BTBD7: variants seen among roughly 807,000 people sequenced by gnomAD.
The protein encoded by BTBD7 is BTB/POZ domain-containing protein 7.
Under a neutral mutation model 99.9 loss-of-function variants are expected in BTBD7, and 38 were observed. The ratio of observed to expected loss-of-function variants is 0.38; its 90% CI spans 0.29 to 0.50. The LOEUF (loss-of-function observed/expected upper bound fraction) is 0.50, where lower values mean the gene tolerates loss of function less well. Ranked by LOEUF, BTBD7 falls within the 20% of genes least tolerant of loss-of-function variation. The pLI, the probability that BTBD7 is intolerant of heterozygous loss-of-function variation, is 0.93. For synonymous variants in BTBD7, 520 were observed against 511.4 expected, an observed-to-expected ratio of 1.02 and a Z score of -0.23; for missense variants, 1,170 against 1,394.6, an observed-to-expected ratio of 0.84 and a Z score of 2.57.
intron 1 of BTBD7, among the ~76,000 whole-genome samples, chr14:93,319,368 A>C (rs2053244072): frequency 6.6e-6 from 1 of 152,258 alleles, no homozygotes; most frequent in Admixed American, 6.5e-5. Flanking sequence ...TGTGGAAACA[A>C]CCTAAATATC....
chr14:93,242,642 T>G lies in BTBD7; in HGVS notation c.3030A>C (p.Pro1010=). Residue 1010 remains proline (P), a synonymous_variant, in exon 11 of 11, where the codon CCA becomes CCC. Transcript: ENST00000334746. ...TGTGTAGATGCCCGTCAGGGGAAAG[T>G]GGATATTCTCTCCTAGCTTCTTCCT... The part of the protein sequence containing the change: ...KKQEEARREY[P]LSPDGHLHRQ... The G allele has an allele frequency of 6.2e-7, 1 of 1,614,140 alleles. No homozygotes were observed. The highest frequency in any genetic ancestry group is 8.5e-7 in the Non-Finnish European group (1 of 1,180,040).
intron 8 of BTBD7, among the ~76,000 whole-genome samples, chr14:93,249,621 G>GT (rs1319115828): frequency 6.6e-6 from 1 of 152,224 alleles, no homozygotes; most frequent in Admixed American, 6.5e-5. Flanking sequence ...TTATTGGAAT[G>GT]TAACTGTACC....
In BTBD7 at chr14:93,242,245, T is replaced by G. The variant is rs2139668005; in HGVS notation, c.*28A>C. On this transcript the variant is annotated 3_prime_UTR_variant, in exon 11 of 11. Transcript: ENST00000334746. ...ATCATAAAATGGGATGTTTCACATC[T>G]CAGGCACAGACGACTTGGAGGTTGC... The G allele has an allele frequency of 6.3e-7, 1 of 1,597,268 alleles. No individual in the cohort carries two copies. Among genetic ancestry groups the G allele is most frequent in the South Asian group, 1.1e-5 (1 of 89,696 alleles).
chr14:93,280,650 T>C (rs997375515), intron 3 of BTBD7, among the ~76,000 whole-genome samples: 6 of 152,140 alleles, frequency 3.9e-5, no homozygotes, highest in African/African-American at 1.4e-4. Context: ...TTTTAATATA[T>C]CAAGTAATCC....
intron 3 of BTBD7, among the ~76,000 whole-genome samples, chr14:93,267,438 A>G (rs1347296246): frequency 6.6e-6 from 1 of 152,210 alleles, no homozygotes; most frequent in African/African-American, 2.4e-5. Flanking sequence ...CATACTCTTG[A>G]CACTCTACAT....
chr14:93,288,306 A>T (rs2052805050), intron 3 of BTBD7: 2 of 584,220 alleles, frequency 3.4e-6, no homozygotes, highest in African/African-American at 3.8e-5. Context: ...CTGGATGAAT[A>T]CTCTAGTTTT....
At position 93,248,436 on chromosome 14, in the gene BTBD7, T is replaced by TCA; in HGVS notation, c.2121+39_2121+40insTG. 5 of 1,597,236 alleles carry TCA rather than the reference T, an allele frequency of 3.1e-6. No homozygotes were observed. The South Asian group carries it at 5.6e-5, about 18-fold the overall frequency. On this transcript the variant is annotated intron_variant, in intron 9 of 10. Coordinates refer to ENST00000334746, the MANE Select transcript of BTBD7 (RefSeq NM_001002860.4). ...CCCACAATACTGCCTGTCTGGTGAC[T>TCA]GAGGCTCCCTATTTTAAACAGTTTA...
chr14:93,260,406 A>C (rs1225106360), intron 5 of BTBD7, among the ~76,000 whole-genome samples: 1 of 152,238 alleles, frequency 6.6e-6, no homozygotes, highest in African/African-American at 2.4e-5. Flanking sequence ...GGCTAACCCT[A>C]CACACAAACA....
chr14:93,288,429 C>A, intron 3 of BTBD7: 1 of 668,308 alleles, frequency 1.5e-6, no homozygotes, highest in South Asian at 1.7e-5. Flanking sequence ...TCTAAAAGCT[C>A]CTGTTTTTAC....
chr14:93,246,372 G>A, intron 9 of BTBD7, 86 bp from the exon 10 acceptor site: 1 of 1,325,980 alleles, frequency 7.5e-7, no homozygotes, highest in African/African-American at 1.5e-5. Context: ...ATTAAGTGAG[G>A]TACTTAAGAA....
At chr14:93,295,943 A>G (rs1232285381) in intron 2 of BTBD7, 27 bp downstream of exon 2, 1 of 1,608,316 alleles carries the variant, frequency 6.2e-7, no homozygotes, top group Admixed American at 1.7e-5. Flanking sequence ...CACAAAAGAA[A>G]ATGAAGTTAG....
rs1426508578 is a variant in BTBD7, at chr14:93,246,075, G to A, written c.2333C>T (p.Ala778Val). 1 of 1,588,802 alleles carries A rather than the reference G, an allele frequency of 6.3e-7. No individual in the cohort carries two copies. Among genetic ancestry groups the A allele is most frequent in the East Asian group, 2.3e-5 (1 of 43,554 alleles). Residue 778 changes from alanine to valine, a missense_variant, in exon 10 of 11, where the codon GCA (alanine) becomes GTA (valine). Transcript: ENST00000334746. ...PATPIHNQLK[A>V]GWKQRPPSQH... ...ACTGGGAGGTCTTTGCTTCCAGCCT[G>A]CTTTGAGTTGGTTATGGATTGGGGT... is the stretch of plus-strand genomic sequence containing the variant.
intron 3 of BTBD7, among the ~76,000 whole-genome samples, chr14:93,272,253 G>T (rs905844500): frequency 6.6e-6 from 1 of 152,134 alleles, no homozygotes; most frequent in African/African-American, 2.4e-5. Context: ...CTGCACTCCA[G>T]CCTGGGCAAC....
At position 93,293,845 on chromosome 14, in the gene BTBD7, C is replaced by T. The variant is rs1419946741; in HGVS notation, c.1162+13G>A. 3 of 1,580,874 alleles carry T rather than the reference C, an allele frequency of 1.9e-6. No individual in the cohort carries two copies. The African/African-American group carries it at 4.1e-5, about 22-fold the overall frequency. On this transcript the variant is annotated intron_variant, in intron 3 of 10. Coordinates refer to ENST00000334746, the MANE Select transcript of BTBD7 (RefSeq NM_001002860.4). The stretch of plus-strand genomic sequence containing the variant: ...AATTCTATAAATCAGAATTAAAAAC[C>T]AGAACTTCATACCTTGTGCAAGCAT...
In BTBD7 at chr14:93,242,690, A is replaced by G. The variant is rs2052247895; in HGVS notation, c.2982T>C (p.Pro994=). 2 of 1,614,030 alleles carry G rather than the reference A, an allele frequency of 1.2e-6. No homozygotes were observed. The highest frequency in any genetic ancestry group is 1.7e-6 in the Non-Finnish European group (2 of 1,180,040). ...SPSGLKSAYL[P]GQTSPKKQEE... ...CCTGTTTTTTAGGAGACGTCTGACC[A>G]GGTAGGTAGGCTGACTTTAAGCCAC... The change falls in exon 11 of 11, where the codon CCT becomes CCC. Residue 994 remains proline (P), a synonymous_variant. Transcript: ENST00000334746.
intron 3 of BTBD7, among the ~76,000 whole-genome samples, chr14:93,290,497 C>T (rs1428688073): frequency 6.7e-6 from 1 of 150,000 alleles, no homozygotes; most frequent in Non-Finnish European, 1.5e-5. Context: ...CAGGCGTGAC[C>T]CACTGCACTT....
At position 93,242,702 on chromosome 14, in the gene BTBD7, T is replaced by C; in HGVS notation, c.2970A>G (p.Ser990=). 1 of 1,614,226 alleles carries C rather than the reference T, an allele frequency of 6.2e-7. No individual in the cohort carries two copies. The highest frequency in any genetic ancestry group is 8.5e-7 in the Non-Finnish European group (1 of 1,180,046). ...GAGACGTCTGACCAGGTAGGTAGGCTGACTTTAAGCCACTTGGTGATGCCT... is the reference window on the plus strand; with the variant it reads ...GAGACGTCTGACCAGGTAGGTAGGCCGACTTTAAGCCACTTGGTGATGCCT... ...HNKASPSGLK[S]AYLPGQTSPK... The change falls in exon 11 of 11, where the codon TCA becomes TCG. Residue 990 remains serine (S), a synonymous_variant. Transcript: ENST00000334746.
rs1171574557 is a variant in BTBD7 at position 93,242,643 on chromosome 14, G to A, written c.3029C>T (p.Pro1010Leu). Residue 1010 changes from proline (P) to leucine (L), a missense_variant, in exon 11 of 11, where the codon CCA becomes CTA. Physicochemically the swap from Pro to Leu is moderately conservative, Grantham distance 98. This residue lies in a region of BTBD7 where 495 missense variants were observed against 525.9 expected (regional missense o/e 0.94). Transcript: ENST00000334746. ...GTGTAGATGCCCGTCAGGGGAAAGT[G>A]GATATTCTCTCCTAGCTTCTTCCTG... The part of the protein sequence containing the change: ...KKQEEARREY[P>L]LSPDGHLHRQ... 1.9e-6 allele frequency: 3 copies of A among 1,613,680 alleles called. No homozygotes were observed. The highest frequency in any genetic ancestry group is 2.2e-5 in the East Asian group (1 of 44,868).
At chr14:93,257,134 TA>T (rs1468354235) in intron 6 of BTBD7, 60 bp downstream of exon 6, 16 of 1,528,512 alleles carry the variant, frequency 1.0e-5, no homozygotes, top group Non-Finnish European at 1.3e-5. Flanking sequence ...TTACAATGAA[TA>T]AAAACATACA....
Sources: gnomAD v4.1 joint callset for allele counts (sites outside exome capture counted in the v4.1 genomes callset) on GRCh38, gnomAD v4.1.1 for gene constraint, gnomAD v4.1.1 regional missense constraint, MANE v1.5 for transcripts, NCBI Gene and HGNC (gene_info 2026-07-23, HGNC 2026-07-21) for gene names.